CAST: variants seen among roughly 807,000 people sequenced by gnomAD.
CAST encodes MIR583 host.
Under a neutral mutation model 119.6 loss-of-function variants are expected in CAST, and 76 were observed. The observed-to-expected ratio is 0.64, with a 90% CI of 0.53 to 0.77. The LOEUF (loss-of-function observed/expected upper bound fraction) is 0.77. Ranked by LOEUF, CAST falls within the 30% of genes least tolerant of loss-of-function variation. The pLI, the probability that CAST is intolerant of heterozygous loss-of-function variation, is 0.00. For missense variants in CAST, 953 were observed against 946.5 expected, an observed-to-expected ratio of 1.01 and a Z score of -0.09; for synonymous variants, 319 against 331.6, an observed-to-expected ratio of 0.96 and a Z score of 0.41.
At chr5:96,624,853 G>C (rs935273022) in intron 1 of CAST, among the ~76,000 whole-genome samples, 2 of 152,166 alleles carry the variant, frequency 1.3e-5, no homozygotes, top group African/African-American at 4.8e-5. Flanking sequence ...TTGTGTTTGT[G>C]TTTCCTTTGT....
the CAST span, among the ~76,000 whole-genome samples, chr5:96,122,978 A>C: frequency 2.6e-5 from 4 of 152,132 alleles, no homozygotes; most frequent in Non-Finnish European, 5.9e-5. Context: ...TAATTTTTCT[A>C]TACCCAGAGC....
chr5:96,246,261 C>A, the CAST span, among the ~76,000 whole-genome samples: 17 of 135,842 alleles, frequency 1.3e-4, no homozygotes, highest in Admixed American at 5.1e-4. Flanking sequence ...CGGCTCACTG[C>A]AAGCTCCGCC....
chr5:96,664,217 T>C (rs1748992770), intron 1 of CAST, among the ~76,000 whole-genome samples: 2 of 152,072 alleles, frequency 1.3e-5, no homozygotes, highest in Admixed American at 1.3e-4. Context: ...AGTAGTGTTT[T>C]TTTTTAGATT....
chr5:96,493,468 C>T, the CAST span, among the ~76,000 whole-genome samples: 1 of 152,258 alleles, frequency 6.6e-6, no homozygotes, highest in East Asian at 1.9e-4. Flanking sequence ...TAAATTGCAA[C>T]TCCCCAGTTG....
chr5:96,434,634 G>GTT, the CAST span, among the ~76,000 whole-genome samples: 2 of 149,130 alleles, frequency 1.3e-5, no homozygotes, highest in African/African-American at 5.0e-5. Flanking sequence ...TGTTGTTGTT[G>GTT]TTTTTTAAAG....
chr5:96,244,626 G>A, the CAST span, among the ~76,000 whole-genome samples: 7 of 152,026 alleles, frequency 4.6e-5, no homozygotes, highest in Admixed American at 1.3e-4. Context: ...TTTTATACAC[G>A]GGAAAGCTGA....
chr5:96,416,572 C>T, the CAST span, among the ~76,000 whole-genome samples: 1 of 152,150 alleles, frequency 6.6e-6, no homozygotes, highest in African/African-American at 2.4e-5. Flanking sequence ...CTAGTGACTG[C>T]CTTGGATTAG....
At position 96,696,114 on chromosome 5, in the gene CAST, ATCT is replaced by A. The variant is rs1753262162; in HGVS notation, c.210+212_210+214del. On this transcript the variant is annotated intron_variant, in intron 3 of 31. Coordinates refer to ENST00000675179, the MANE Select transcript of CAST (RefSeq NM_001750.7). ...CCTAGTAAAACCATTTATTGTATAA[ATCT>A]TCTTGGCATATAATAAGCGTTAAAT... The A allele has an allele frequency of 8.9e-6, 3 of 336,120 alleles. No individual in the cohort carries two copies. In the Admixed American group the frequency reaches 1.4e-4, roughly 15 times the overall value. 20.8% of individuals were successfully genotyped at this position (336,120 alleles called of 1,614,324 possible). A position where few individuals can be genotyped will look rare whatever the true frequency, so the allele number is the denominator to read the frequency against.
chr5:96,549,821 G>C (rs759151643), intron 1 of CAST, among the ~76,000 whole-genome samples: 1 of 152,226 alleles, frequency 6.6e-6, no homozygotes, highest in African/African-American at 2.4e-5. Flanking sequence ...GACCTGGGAC[G>C]TGGGAGCTTG....
the CAST span, among the ~76,000 whole-genome samples, chr5:96,193,352 T>C: frequency 6.6e-6 from 1 of 152,030 alleles, no homozygotes; most frequent in Non-Finnish European, 1.5e-5. Context: ...CTGTAGAGAT[T>C]TAAATATGAT....
chr5:96,751,860 C>T lies in CAST; in HGVS notation c.1524+1178C>T, dbSNP rs1040982115. ...AGCTGAGCATTGGATTGTTAGAAAG[C>T]AGACAAACCAGAACAAAACAAAAAG... On this transcript the variant is annotated intron_variant, in intron 20 of 31. Transcript: ENST00000675179. Among the ~76,000 whole-genome samples the T allele has an allele frequency of 3.3e-5, 5 of 152,292 alleles. No individual in the cohort carries two copies. The East Asian group carries it at 7.7e-4, about 23-fold the overall frequency.
At chr5:96,412,281 G>A in the CAST span, 1 of 1,550,930 alleles carries the variant, frequency 6.4e-7, no homozygotes, top group South Asian at 1.1e-5. Context: ...CAGATGGTCA[G>A]GTTTCATTTC....
In CAST at chr5:96,729,165, C is replaced by A; in HGVS notation, c.391C>A (p.His131Asn). Reference sequence around the variant, plus strand: ...TTGAAATTGACAGCTGTCTGTGGTTCATGAGAAAAAATCCCAAGAAGGAAA... The same window carrying A: ...TTGAAATTGACAGCTGTCTGTGGTTAATGAGAAAAAATCCCAAGAAGGAAA... ...KSQSTKLSVV[H>N]EKKSQEGKPK... The change falls in exon 7 of 32, where the codon CAT (histidine) becomes AAT (asparagine). Residue 131 changes from histidine (H) to asparagine (N), a missense_variant. Coordinates refer to ENST00000675179, the MANE Select transcript of CAST (RefSeq NM_001750.7). 1 of 1,595,232 alleles carries A rather than the reference C, an allele frequency of 6.3e-7. No homozygotes were observed. Among genetic ancestry groups the A allele is most frequent in the South Asian group, 1.1e-5 (1 of 90,258 alleles).
In CAST at chr5:96,643,093, AT is replaced by A. The variant is rs372150752; in HGVS notation, c.61-32442del. ...TCTTAACCACTACTCTATATTTATT[AT>A]TTTGCTACATACAAAACAACGTTCA... On this transcript the variant is annotated intron_variant, in intron 1 of 11. Transcript: ENST00000505143. 8.9e-4 allele frequency among the ~76,000 whole-genome samples: 135 copies of A among 152,250 alleles called. 3 individuals carry two copies. In the East Asian group the frequency reaches 0.021, roughly 23 times the overall value.
chr5:96,605,112 C>T (rs1394989917), intron 1 of CAST, among the ~76,000 whole-genome samples: 1 of 152,148 alleles, frequency 6.6e-6, no homozygotes, highest in Non-Finnish European at 1.5e-5. Flanking sequence ...GTTGATGATG[C>T]CACACACTGA....
the CAST span, among the ~76,000 whole-genome samples, chr5:96,396,640 A>C: frequency 4.6e-5 from 7 of 152,314 alleles, no homozygotes; most frequent in Admixed American, 6.5e-5. Flanking sequence ...AGAAGAACTC[A>C]GAGCCAAAAC....
the CAST span, among the ~76,000 whole-genome samples, chr5:95,965,929 A>T: frequency 6.6e-6 from 1 of 152,170 alleles, no homozygotes; most frequent in African/African-American, 2.4e-5. Context: ...ACATTGCATT[A>T]TTATTATTAT....
intron 1 of CAST, among the ~76,000 whole-genome samples, chr5:96,565,077 G>GGT (rs61240765): frequency 0.16 from 24,306 of 148,558 alleles, 2,472 homozygotes; most frequent in East Asian, 0.53. Flanking sequence ...ACATGGGAAA[G>GGT]GTGTGTGTGT....
chr5:96,536,173 C>G (rs1221213322), intron 1 of CAST, among the ~76,000 whole-genome samples: 3 of 150,846 alleles, frequency 2.0e-5, no homozygotes, highest in African/African-American at 7.3e-5. Flanking sequence ...GCCTGCCCAA[C>G]ATGATGAAAT....
Sources: gnomAD v4.1 joint callset for allele counts (sites outside exome capture counted in the v4.1 genomes callset) on GRCh38, gnomAD v4.1.1 for gene constraint, MANE v1.5 for transcripts, NCBI Gene and HGNC (gene_info 2026-07-23, HGNC 2026-07-21) for gene names.